The following VBP1 variants were observed in gnomAD, a reference collection of about 807,000 sequenced individuals.
VBP1 encodes VHL binding protein 1, also known as prefoldin subunit 3.
A neutral mutation model predicts 15.5 loss-of-function variants in VBP1; 4 were observed. The observed-to-expected ratio is 0.26, with a 90% CI of 0.13 to 0.59. The LOEUF (loss-of-function observed/expected upper bound fraction) is 0.59, where lower values mean the gene tolerates loss of function less well. VBP1 is among the 20% of genes least tolerant of loss of function. The pLI, the probability that VBP1 is intolerant of heterozygous loss-of-function variation, is 0.90. For missense variants in VBP1, 108 were observed against 139.6 expected, an observed-to-expected ratio of 0.77 and a Z score of 1.14; for synonymous variants, 61 against 52.1, an observed-to-expected ratio of 1.17 and a Z score of -0.74.
exon 2 of VBP1, chrX:155,208,964 C>T: frequency 8.7e-7 from 1 of 1,155,073 alleles, no homozygotes; most frequent in Non-Finnish European, 1.1e-6. Flanking sequence ...TCCTTCCACT[C>T]CATCCCCAGA....
chrX:155,201,071 A>C (rs2074601355), intron 1 of VBP1, among the ~76,000 whole-genome samples: 1 of 111,610 alleles, frequency 9.0e-6, no homozygotes, highest in Non-Finnish European at 1.9e-5. Context: ...AAGAAGTTGA[A>C]TCTCTGAATA....
At chrX:155,222,530 G>C (rs1184326913) in intron 2 of VBP1, among the ~76,000 whole-genome samples, 1 of 111,446 alleles carries the variant, frequency 9.0e-6, no homozygotes, top group Non-Finnish European at 1.9e-5. Flanking sequence ...TCCTGGGAGA[G>C]GGGGAAATTT....
At chrX:155,238,659 GTA>G in intron 5 of VBP1, 111 bp from the exon 6 acceptor site, 1 of 533,737 alleles carries the variant, frequency 1.9e-6, no homozygotes. Flanking sequence ...ACCAGTATTT[GTA>G]TATGTTTCAT....
At chrX:155,224,385 C>T (rs988107562) in intron 2 of VBP1, among the ~76,000 whole-genome samples, 9 of 112,901 alleles carry the variant, frequency 8.0e-5, no homozygotes, top group South Asian at 3.6e-4. Flanking sequence ...AGATCACTCG[C>T]GGTCAGGAGC....
chrX:155,201,898 T>C (rs77985182), intron 1 of VBP1, among the ~76,000 whole-genome samples: 1 of 111,670 alleles, frequency 9.0e-6, no homozygotes, highest in Non-Finnish European at 1.9e-5. Context: ...AGCTAATAAG[T>C]AACTTCAGCA....
intron 1 of VBP1, among the ~76,000 whole-genome samples, chrX:155,217,712 G>C (rs184574748): frequency 3.0e-3 from 339 of 111,924 alleles, no homozygotes; most frequent in African/African-American, 0.011. Flanking sequence ...TGAGTGCCAG[G>C]CACTTTCTTA....
chrX:155,213,216 C>G (rs782795955), upstream of VBP1, among the ~76,000 whole-genome samples: 2 of 111,762 alleles, frequency 1.8e-5, no homozygotes, highest in Non-Finnish European at 3.8e-5. Context: ...ATCAGAAGGT[C>G]GAGCAGAGGC....
chrX:155,222,507 C>T (rs1470416065), intron 2 of VBP1, among the ~76,000 whole-genome samples: 2 of 111,137 alleles, frequency 1.8e-5, no homozygotes, highest in African/African-American at 6.6e-5. Context: ...AGAAAATGGG[C>T]CTTGGGACCA....
intron 1 of VBP1, among the ~76,000 whole-genome samples, chrX:155,201,072 T>A (rs1355914892): frequency 3.6e-5 from 4 of 111,406 alleles, no homozygotes; most frequent in African/African-American, 1.3e-4. Flanking sequence ...AGAAGTTGAA[T>A]CTCTGAATAG....
At chrX:155,212,503 C>A (rs782004118), upstream of VBP1, among the ~76,000 whole-genome samples, 4 of 111,538 alleles carry the variant, frequency 3.6e-5, no homozygotes, top group Non-Finnish European at 7.5e-5. Flanking sequence ...AGAATTAGTA[C>A]TAGTGCCCTG....
At chrX:155,197,814 C>T (rs1389594231) in intron 1 of VBP1, among the ~76,000 whole-genome samples, 1 of 112,434 alleles carries the variant, frequency 8.9e-6, no homozygotes, top group African/African-American at 3.2e-5. Context: ...GGCATTGCCT[C>T]ACTTGGGAAG....
rs1373029603 is a variant in VBP1, at chrX:155,200,471, G to A, written c.-31+3332G>A. Among the ~76,000 whole-genome samples, 117 of 110,935 alleles carry A rather than the reference G, an allele frequency of 1.1e-3. 1 individual carries two copies. Among genetic ancestry groups the A allele is most frequent in the Non-Finnish European group, 1.6e-3 (87 of 52,978 alleles). ...TTAAGAAACTCACTCAAAACCGCTC[G>A]ACTACATGGAAACTGAACAACCTGG... On this transcript the variant is annotated intron_variant, in intron 1 of 6. Transcript: ENST00000535916.
intron 1 of VBP1, among the ~76,000 whole-genome samples, chrX:155,205,169 A>T (rs912526849): frequency 2.7e-5 from 3 of 112,431 alleles, no homozygotes; most frequent in African/African-American, 9.7e-5. Flanking sequence ...CATAAATTTT[A>T]TGCAATACAA....
At chrX:155,208,991 G>C in intron 2 of VBP1, 1 of 1,151,459 alleles carries the variant, frequency 8.7e-7, no homozygotes, top group Non-Finnish European at 1.1e-6. Flanking sequence ...GGTACGTTTG[G>C]GCTGTTGTTG....
chrX:155,224,518 G>A (rs1291026549), intron 2 of VBP1, among the ~76,000 whole-genome samples: 2 of 112,377 alleles, frequency 1.8e-5, no homozygotes, highest in African/African-American at 3.2e-5. Context: ...AGGAGAATCA[G>A]TCAGGGAGGT....
chrX:155,217,864 A>G (rs1320453134), intron 1 of VBP1, among the ~76,000 whole-genome samples: 2 of 111,443 alleles, frequency 1.8e-5, no homozygotes, highest in African/African-American at 6.5e-5. Context: ...AACTTGGACA[A>G]TCCGTGGAGG....
chrX:155,234,916 A>G (rs1287269156), intron 4 of VBP1, among the ~76,000 whole-genome samples: 1 of 112,057 alleles, frequency 8.9e-6, no homozygotes, highest in Admixed American at 9.5e-5. Context: ...TTCCTTGAGC[A>G]TCTTATACAG....
intron 1 of VBP1, among the ~76,000 whole-genome samples, chrX:155,203,156 TTGG>T (rs2074612339): frequency 9.0e-6 from 1 of 111,526 alleles, no homozygotes; most frequent in Admixed American, 9.5e-5. Context: ...TTTTACACTG[TTGG>T]TGGGACTGTA....
At chrX:155,199,154 G>A (rs782681465) in intron 1 of VBP1, among the ~76,000 whole-genome samples, 16 of 111,516 alleles carry the variant, frequency 1.4e-4, no homozygotes. Context: ...AAAGTGACGG[G>A]GAGAATGGAA....
Sources: allele counts gnomAD v4.1 joint callset (sites outside exome capture counted in the v4.1 genomes callset), GRCh38; gene constraint gnomAD v4.1.1; transcripts MANE v1.5; gene names NCBI Gene and HGNC (gene_info 2026-07-23, HGNC 2026-07-21).